The following AFAP1L2 variants were observed in gnomAD, a reference collection of about 807,000 sequenced individuals.
The protein encoded by AFAP1L2 is actin filament-associated protein 1-like 2.
A neutral mutation model predicts 99.3 loss-of-function variants in AFAP1L2; 46 were observed. That is an observed-to-expected ratio of 0.46 (90% CI 0.37 to 0.59). The LOEUF (loss-of-function observed/expected upper bound fraction) is 0.59. AFAP1L2 is among the 20% of genes least tolerant of loss of function. The probability of loss-of-function intolerance (pLI) is 0.00; values close to 1 mark genes in which losing one functional copy is unlikely to be tolerated. For missense variants in AFAP1L2, 959 were observed against 1,034.9 expected (o/e 0.93, Z 1.01); for synonymous variants, 397 against 419.1 (o/e 0.95, Z 0.64).
chr10:114,343,504 T>C (rs116369734), intron 1 of AFAP1L2, among the ~76,000 whole-genome samples: 1,848 of 152,290 alleles, frequency 0.012, 37 homozygotes, highest in African/African-American at 0.041. Flanking sequence ...CTGGCATTGC[T>C]GGTCAGCCCC....
chr10:114,340,276 C>T (rs1021037013), intron 2 of AFAP1L2, among the ~76,000 whole-genome samples: 6 of 150,808 alleles, frequency 4.0e-5, no homozygotes, highest in Admixed American at 1.3e-4. Context: ...ACCATGATCG[C>T]GCCACTGCAC....
At chr10:114,320,049 G>T (rs1172601261) in intron 5 of AFAP1L2, among the ~76,000 whole-genome samples, 1 of 152,180 alleles carries the variant, frequency 6.6e-6, no homozygotes, top group Non-Finnish European at 1.5e-5. Context: ...ATCTACATGA[G>T]GATGAGTAAT....
the AFAP1L2 span, chr10:114,284,808 C>A: frequency 6.6e-7 from 1 of 1,519,858 alleles, no homozygotes; most frequent in Non-Finnish European, 8.9e-7. Context: ...CTGGCCAGTC[C>A]TCTCCACTCC....
intron 8 of AFAP1L2, among the ~76,000 whole-genome samples, chr10:114,308,903 G>A (rs1312913943): frequency 6.6e-6 from 1 of 152,228 alleles, no homozygotes; most frequent in Non-Finnish European, 1.5e-5. Flanking sequence ...AGCAGACCAT[G>A]TGATTTGAGT....
intron 4 of AFAP1L2, among the ~76,000 whole-genome samples, chr10:114,328,619 C>T (rs2046780620): frequency 6.6e-6 from 1 of 152,194 alleles, no homozygotes; most frequent in African/African-American, 2.4e-5. Context: ...TGTTTGTTGG[C>T]CACGGTTGAT....
downstream of AFAP1L2, among the ~76,000 whole-genome samples, chr10:114,293,364 G>C (rs1015581821): frequency 1.3e-5 from 2 of 152,188 alleles, no homozygotes; most frequent in Admixed American, 6.5e-5. Context: ...CTTGTTCCGG[G>C]CTGGTATTTG....
intron 1 of AFAP1L2, among the ~76,000 whole-genome samples, chr10:114,352,715 C>T (rs148218059): frequency 6.6e-5 from 10 of 152,186 alleles, no homozygotes; most frequent in Admixed American, 3.3e-4. Context: ...AGAAACAGGT[C>T]GAAAGAATGA....
At chr10:114,286,022 C>G in the AFAP1L2 span, 1 of 1,614,080 alleles carries the variant, frequency 6.2e-7, no homozygotes, top group Non-Finnish European at 8.5e-7. Context: ...CGGCTTCCTG[C>G]GGGCCAAAGT....
At chr10:114,404,343 T>C in intron 1 of AFAP1L2, 97 bp downstream of exon 1, 1 of 1,361,518 alleles carries the variant, frequency 7.3e-7, no homozygotes, top group Non-Finnish European at 1.0e-6. Context: ...GGGCTCTGCT[T>C]ATCCCGAGTC....
intron 1 of AFAP1L2, among the ~76,000 whole-genome samples, chr10:114,368,630 G>A (rs2053623168): frequency 6.6e-6 from 1 of 151,968 alleles, no homozygotes; most frequent in South Asian, 2.1e-4. Flanking sequence ...GCCCAGCTTG[G>A]TCTTAAACTT....
In AFAP1L2 at chr10:114,377,091, T is replaced by C. The variant is rs2054910932; in HGVS notation, c.16+27349A>G. Among the ~76,000 whole-genome samples the C allele has an allele frequency of 6.6e-6, 1 of 152,188 alleles. No individual in the cohort carries two copies. Among genetic ancestry groups the C allele is most frequent in the Non-Finnish European group, 1.5e-5 (1 of 68,042 alleles). On this transcript the variant is annotated intron_variant, in intron 1 of 18. Transcript: ENST00000304129. This position sits in a 1 kb window ranked among gnomAD's most constrained non-coding sequence, Gnocchi z 4.0. ...ACAAGGTCATAATACATGTGAAACA[T>C]CTCCTTTGGTCCATGGTTTACTAAT... is the stretch of plus-strand genomic sequence containing the variant.
chr10:114,339,846 T>TA (rs1173950581), intron 2 of AFAP1L2, among the ~76,000 whole-genome samples: 1 of 151,022 alleles, frequency 6.6e-6, no homozygotes, highest in African/African-American at 2.4e-5. Context: ...AAACCCTGTC[T>TA]ACTAAAAATA....
At chr10:114,308,049 TACAC>T in intron 9 of AFAP1L2, 140 bp from the exon 10 acceptor site, 1 of 699,832 alleles carries the variant, frequency 1.4e-6, no homozygotes, top group Non-Finnish European at 2.5e-6. Context: ...TATGCACGCA[TACAC>T]ACACACACAT....
intron 15 of AFAP1L2, among the ~76,000 whole-genome samples, 162 bp downstream of exon 15, chr10:114,300,032 A>G (rs369354257): frequency 5.8e-4 from 88 of 152,252 alleles, no homozygotes; most frequent in Middle Eastern, 3.4e-3. Context: ...TTGCTCCTCA[A>G]CTTGCAGAAG....
chr10:114,284,660 C>G, the AFAP1L2 span, among the ~76,000 whole-genome samples: 8 of 152,226 alleles, frequency 5.3e-5, no homozygotes, highest in Admixed American at 4.6e-4. Context: ...ACAGAGCATC[C>G]TTTACCACCC....
chr10:114,337,567 C>T (rs977817672), intron 2 of AFAP1L2, among the ~76,000 whole-genome samples: 40 of 152,190 alleles, frequency 2.6e-4, no homozygotes, highest in African/African-American at 9.2e-4. Flanking sequence ...TTCTCAGCAG[C>T]TTCCCACCCC....
intron 1 of AFAP1L2, among the ~76,000 whole-genome samples, chr10:114,390,311 T>C (rs1448527490): frequency 1.3e-5 from 2 of 152,182 alleles, no homozygotes; most frequent in African/African-American, 4.8e-5. Context: ...CTGCTTCCCA[T>C]TCTCCACCAT....
intron 1 of AFAP1L2, among the ~76,000 whole-genome samples, chr10:114,363,498 G>A (rs941002194): frequency 2.0e-5 from 3 of 152,212 alleles, no homozygotes; most frequent in Non-Finnish European, 4.4e-5. Flanking sequence ...AGAGGCACTG[G>A]GCTGGGCACT....
the AFAP1L2 span, among the ~76,000 whole-genome samples, chr10:114,282,765 T>TGGC: frequency 5.9e-4 from 90 of 152,026 alleles, no homozygotes; most frequent in Middle Eastern, 3.4e-3. Context: ...AAGAATGGAG[T>TGGC]GGCGGCTTTG....
Sources: gnomAD v4.1 joint callset for allele counts (sites outside exome capture counted in the v4.1 genomes callset) on GRCh38, gnomAD v4.1.1 for gene constraint, Gnocchi (gnomAD v3.1) non-coding constraint, MANE v1.5 for transcripts, NCBI Gene and HGNC (gene_info 2026-07-23, HGNC 2026-07-21) for gene names.